The following SULF2 variants were observed in gnomAD, a reference collection of about 807,000 sequenced individuals.
The protein encoded by SULF2 is sulfatase 2.
SULF2 carries 52 observed loss-of-function variants against 107.7 expected under a neutral mutation model. The observed-to-expected ratio is 0.48, with a 90% confidence interval of 0.39 to 0.61. The LOEUF is 0.61. Ranked by LOEUF, SULF2 falls within the 20% of genes least tolerant of loss-of-function variation. The pLI, the probability that SULF2 is intolerant of heterozygous loss-of-function variation, is 0.00. For synonymous variants in SULF2, 460 were observed against 464.3 expected (o/e 0.99, Z 0.12); for missense variants, 993 against 1,177.3 (o/e 0.84, Z 2.29).
rs137991306 is a variant in SULF2 at position 47,683,104 on chromosome 20, G to A, written c.954C>T (p.His318=). 8.0e-5 allele frequency: 129 copies of A among 1,613,626 alleles called. 2 individuals carry two copies. The African/African-American group carries it at 8.5e-4, about 11-fold the overall frequency. The change falls in exon 7 of 21, where the codon CAC becomes CAT. Residue 318 remains histidine (H), a synonymous_variant. Transcript: ENST00000688720. ...GGCCAAACTGGCCGATGTGGTAACC[G>A]TGGTCGGCGGTGTATACGATGTACG... ...DNTYIVYTAD[H]GYHIGQFGLV... is the part of the protein sequence containing the mutation.
chr20:47,694,071 G>A lies in SULF2; in HGVS notation c.568-3776C>T, dbSNP rs928686332. ...GTCTTCCCCGATCTCTGCTAGCTCC[G>A]CAATGCCACATGACACACCTGCCTC... is the stretch of plus-strand genomic sequence containing the variant. On this transcript the variant is annotated intron_variant, in intron 4 of 20. Coordinates refer to ENST00000688720, the MANE Select transcript of SULF2 (RefSeq NM_001387048.1). This position sits in a 1 kb window ranked among gnomAD's most constrained non-coding sequence, Gnocchi z 4.4. 5.9e-5 allele frequency among the ~76,000 whole-genome samples: 9 copies of A among 152,146 alleles called. No individual in the cohort carries two copies. The highest frequency in any genetic ancestry group is 1.2e-4 in the African/African-American group (5 of 41,438).
intron 1 of SULF2, among the ~76,000 whole-genome samples, chr20:47,764,110 A>G (rs1229932531): frequency 6.6e-6 from 1 of 152,180 alleles, no homozygotes; most frequent in Non-Finnish European, 1.5e-5. Flanking sequence ...GCCTTCATTC[A>G]GGTTATCTTC....
At chr20:47,707,517 C>T (rs553454789) in intron 3 of SULF2, among the ~76,000 whole-genome samples, 2 of 152,276 alleles carry the variant, frequency 1.3e-5, no homozygotes, top group South Asian at 4.1e-4. Context: ...GCGAAACTCC[C>T]TCCCAGGTGG....
intron 4 of SULF2, among the ~76,000 whole-genome samples, chr20:47,695,905 G>A (rs1309141542): frequency 6.6e-6 from 1 of 152,188 alleles, no homozygotes. Context: ...GAACCACTGC[G>A]CCTGGCCGGA....
At chr20:47,744,565 G>A (rs1317929652) in intron 2 of SULF2, among the ~76,000 whole-genome samples, 4 of 152,126 alleles carry the variant, frequency 2.6e-5, no homozygotes, top group African/African-American at 9.7e-5. Context: ...CTGGGATTTA[G>A]GGGAAGAGGG....
intron 2 of SULF2, among the ~76,000 whole-genome samples, chr20:47,752,103 A>G (rs985381890): frequency 4.6e-5 from 7 of 152,240 alleles, no homozygotes; most frequent in Non-Finnish European, 8.8e-5. Context: ...GTTCAGTGCC[A>G]TGAGACATTT....
chr20:47,773,307 T>C (rs1373366317), intron 1 of SULF2, among the ~76,000 whole-genome samples: 1 of 152,192 alleles, frequency 6.6e-6, no homozygotes, highest in Non-Finnish European at 1.5e-5. Flanking sequence ...GGTGATAGGA[T>C]GGACAGTAAA....
chr20:47,760,439 C>T (rs969258109), intron 1 of SULF2, among the ~76,000 whole-genome samples: 5 of 152,088 alleles, frequency 3.3e-5, no homozygotes, highest in Non-Finnish European at 7.4e-5. Flanking sequence ...TCTAGCGTCT[C>T]CCCAGTTCTG....
intron 5 of SULF2, among the ~76,000 whole-genome samples, chr20:47,687,591 T>G (rs903701372): frequency 1.3e-5 from 2 of 152,174 alleles, no homozygotes; most frequent in African/African-American, 4.8e-5. Flanking sequence ...TGAGGGCTGG[T>G]GGGCTGTGTC....
rs1659802454 is a variant in SULF2 at position 47,657,979 on chromosome 20, T to C, written c.*383A>G. 7.5e-6 allele frequency: 2 copies of C among 267,598 alleles called. No individual in the cohort carries two copies. The highest frequency in any genetic ancestry group is 4.8e-5 in the Admixed American group (1 of 20,752). The allele number at this position is 267,598 out of a possible 1,614,324, so 16.6% of individuals were successfully genotyped here. On this transcript the variant is annotated 3_prime_UTR_variant, in exon 21 of 21. Transcript: ENST00000688720. ...AGAGGATTTAGAACAGGACTGCTTTTCCCCTATGATTTAAAAATTCCAATG... is the reference window on the plus strand; with the variant it reads ...AGAGGATTTAGAACAGGACTGCTTTCCCCCTATGATTTAAAAATTCCAATG...
intron 3 of SULF2, 71 bp from the exon 4 acceptor site, chr20:47,702,741 C>T: frequency 6.6e-6 from 10 of 1,510,112 alleles, no homozygotes; most frequent in Non-Finnish European, 9.0e-6. Context: ...TATTGTGTGT[C>T]CGAGGCCTGA....
chr20:47,738,622 T>A, intron 2 of SULF2, among the ~76,000 whole-genome samples: 1 of 152,190 alleles, frequency 6.6e-6, no homozygotes, highest in Non-Finnish European at 1.5e-5. Flanking sequence ...GTTCTCTTGG[T>A]AGTGAATAAG....
chr20:47,764,594 T>A (rs755974899), intron 1 of SULF2, among the ~76,000 whole-genome samples: 11 of 152,278 alleles, frequency 7.2e-5, no homozygotes, highest in Non-Finnish European at 1.5e-4. Flanking sequence ...TCCTGGAGGC[T>A]GGAGGAGACT....
At chr20:47,728,228 C>T (rs1568867417) in intron 3 of SULF2, among the ~76,000 whole-genome samples, 1 of 152,044 alleles carries the variant, frequency 6.6e-6, no homozygotes, top group Non-Finnish European at 1.5e-5. Context: ...TGCGTGCGTG[C>T]GTGCACACTT....
At chr20:47,749,712 T>C (rs1027870236) in intron 2 of SULF2, among the ~76,000 whole-genome samples, 2 of 152,260 alleles carry the variant, frequency 1.3e-5, no homozygotes, top group East Asian at 1.9e-4. Flanking sequence ...AGACCTCTGC[T>C]ACATCTTTCT....
Position 47,736,840 on chromosome 20 carries a change from G to C in SULF2, c.278C>G (p.Ser93Cys). 1 of 1,614,250 alleles carries C rather than the reference G, an allele frequency of 6.2e-7. No homozygotes were observed. The highest frequency in any genetic ancestry group is 8.5e-7 in the Non-Finnish European group (1 of 1,180,032). Reference protein sequence around the residue: ...VTTPMCCPSRSSILTGKYVHN... With the variant: ...VTTPMCCPSRCSILTGKYVHN... ...GACGTACTTGCCAGTGAGGATGGAGGAGCGTGAGGGGCAGCACATGGGTGT... is the reference window on the plus strand; with the variant it reads ...GACGTACTTGCCAGTGAGGATGGAGCAGCGTGAGGGGCAGCACATGGGTGT... The change falls in exon 3 of 21, where the codon TCC becomes TGC. Residue 93 changes from serine (S) to cysteine (C), a missense_variant. Around this residue, in one of 3 missense-constraint regions of SULF2, gnomAD observed 388 missense variants for 449.2 expected, o/e 0.86. Transcript: ENST00000688720.
At position 47,664,118 on chromosome 20, in the gene SULF2, A is replaced by G. The variant is rs372015361; in HGVS notation, c.2057+12T>C. 1.9e-6 allele frequency: 3 copies of G among 1,613,370 alleles called. No homozygotes were observed. Among genetic ancestry groups the G allele is most frequent in the Non-Finnish European group, 2.5e-6 (3 of 1,179,812 alleles). ...TCTGCATCTCTTCCCCAGGACCTCA[A>G]GCTGCTCTTACCTGAAAGGATGCAG... On this transcript the variant is annotated intron_variant, in intron 15 of 20. Coordinates refer to ENST00000688720, the MANE Select transcript of SULF2 (RefSeq NM_001387048.1).
At chr20:47,765,083 A>G (rs1378031807) in intron 1 of SULF2, among the ~76,000 whole-genome samples, 3 of 152,086 alleles carry the variant, frequency 2.0e-5, no homozygotes, top group Non-Finnish European at 4.4e-5. Context: ...TGGGCGCGGC[A>G]GCTCACGTCT....
chr20:47,665,366 C>A, intron 13 of SULF2, 73 bp from the exon 14 acceptor site: 1 of 977,844 alleles, frequency 1.0e-6, no homozygotes. Flanking sequence ...TGGTGACTGC[C>A]CCCACGCTGC....
Sources: gnomAD v4.1 joint callset for allele counts (sites outside exome capture counted in the v4.1 genomes callset) on GRCh38, gnomAD v4.1.1 for gene constraint, gnomAD v4.1.1 regional missense constraint, Gnocchi (gnomAD v3.1) non-coding constraint, MANE v1.5 for transcripts, NCBI Gene and HGNC (gene_info 2026-07-23, HGNC 2026-07-21) for gene names.